The following CNTNAP5 variants were observed in gnomAD, a reference collection of about 807,000 sequenced individuals.
CNTNAP5 encodes the protein contactin associated protein family member 5, also known as contactin-associated protein-like 5.
A neutral mutation model predicts 150.2 loss-of-function variants in CNTNAP5; 72 were observed. The ratio of observed to expected loss-of-function variants is 0.48; its 90% CI spans 0.40 to 0.58. The LOEUF (loss-of-function observed/expected upper bound fraction) is 0.58. CNTNAP5 is among the 20% of genes least tolerant of loss of function. The probability of loss-of-function intolerance (pLI) is 0.00; values close to 1 mark genes in which losing one functional copy is unlikely to be tolerated. For missense variants in CNTNAP5, 1,636 were observed against 1,626.2 expected, an observed-to-expected ratio of 1.01 and a Z score of -0.10; for synonymous variants, 672 against 619.8, an observed-to-expected ratio of 1.08 and a Z score of -1.25.
intron 1 of CNTNAP5, 120 bp downstream of exon 1, chr2:124,025,852 A>C (rs1224889685): frequency 1.1e-6 from 1 of 873,032 alleles, no homozygotes; most frequent in Non-Finnish European, 1.9e-6. Context: ...CGGAAAAAAA[A>C]TGCTGATCAG....
chr2:124,153,353 T>C (rs1385792590), intron 1 of CNTNAP5, among the ~76,000 whole-genome samples: 1 of 152,158 alleles, frequency 6.6e-6, no homozygotes, highest in South Asian at 2.1e-4. Context: ...GTTCAGATGC[T>C]GACTAGGCTG....
intron 1 of CNTNAP5, among the ~76,000 whole-genome samples, chr2:124,215,043 A>G (rs1446715312): frequency 2.6e-5 from 4 of 152,194 alleles, no homozygotes; most frequent in Non-Finnish European, 5.9e-5. Context: ...TTATTTTCTA[A>G]GTGAAATTAT....
chr2:124,575,675 T>C (rs1409508196), intron 11 of CNTNAP5, among the ~76,000 whole-genome samples: 1 of 152,186 alleles, frequency 6.6e-6, no homozygotes. Context: ...CTGCAATAAT[T>C]GACTTTTGAT....
chr2:124,732,286 G>A (rs956423247), intron 13 of CNTNAP5, among the ~76,000 whole-genome samples: 5 of 152,032 alleles, frequency 3.3e-5, no homozygotes, highest in Non-Finnish European at 7.4e-5. Flanking sequence ...CAGCAACCAG[G>A]TTCTCTTAGA....
chr2:124,524,330 A>G lies in CNTNAP5; in HGVS notation c.1355A>G (p.His452Arg), dbSNP rs1694916133. ...TGSNLNDGLWHSVSINARRNR... is the reference protein window; with the variant it reads ...TGSNLNDGLWRSVSINARRNR... ...AGCAACTTGAATGATGGCCTGTGGCACTCGGTTAGCATCAACGCCAGGAGG... is the reference window on the plus strand; with the variant it reads ...AGCAACTTGAATGATGGCCTGTGGCGCTCGGTTAGCATCAACGCCAGGAGG... Residue 452 changes from histidine to arginine, a missense_variant, in exon 9 of 24, where the codon CAC (histidine) becomes CGC (arginine). His to Arg is a conservative substitution (Grantham distance 29). Transcript: ENST00000682447. 6.2e-7 allele frequency: 1 copy of G among 1,613,612 alleles called. No individual in the cohort carries two copies. Among genetic ancestry groups the G allele is most frequent in the Admixed American group, 1.7e-5 (1 of 59,974 alleles).
Position 124,535,581 on chromosome 2 carries a change from G to T in CNTNAP5, c.1649+8125G>T, listed in dbSNP as rs527479433. On this transcript the variant is annotated intron_variant, in intron 10 of 23. Transcript: ENST00000682447. The stretch of plus-strand genomic sequence containing the variant: ...CATCGAGACCATCCTGGCCAACATG[G>T]TGAAACCCCGTCTCTACTGAAATAC... Among the ~76,000 whole-genome samples the T allele has an allele frequency of 3.4e-5, 5 of 146,378 alleles. No homozygotes were observed. The East Asian group carries it at 1.0e-3, about 29-fold the overall frequency.
chr2:124,716,626 C>T (rs1330238048), intron 13 of CNTNAP5, among the ~76,000 whole-genome samples: 1 of 152,076 alleles, frequency 6.6e-6, no homozygotes, highest in African/African-American at 2.4e-5. Flanking sequence ...TATACTCCTT[C>T]CATACTTAAC....
chr2:124,623,330 A>G (rs1166411824), intron 12 of CNTNAP5, among the ~76,000 whole-genome samples: 2 of 152,316 alleles, frequency 1.3e-5, no homozygotes, highest in Admixed American at 1.3e-4. Flanking sequence ...ATGTCTCCCC[A>G]TCCCTTCCAC....
intron 1 of CNTNAP5, among the ~76,000 whole-genome samples, chr2:124,159,098 A>G (rs1684613898): frequency 6.6e-6 from 1 of 152,228 alleles, no homozygotes; most frequent in Non-Finnish European, 1.5e-5. Flanking sequence ...TTAACAGAAC[A>G]ATTGCCTTTA....
chr2:124,845,343 G>A (rs2104697235), intron 19 of CNTNAP5, among the ~76,000 whole-genome samples: 1 of 151,876 alleles, frequency 6.6e-6, no homozygotes, highest in East Asian at 1.9e-4. Flanking sequence ...CTTGATCATG[G>A]TGGATTATCT....
intron 19 of CNTNAP5, among the ~76,000 whole-genome samples, chr2:124,822,947 G>A (rs1055448301): frequency 5.3e-5 from 8 of 152,182 alleles, no homozygotes; most frequent in Non-Finnish European, 8.8e-5. Context: ...CTACCAATGT[G>A]TGACCATCAT....
At chr2:124,721,436 C>CA (rs1680045419) in intron 13 of CNTNAP5, among the ~76,000 whole-genome samples, 1 of 151,626 alleles carries the variant, frequency 6.6e-6, no homozygotes, top group African/African-American at 2.4e-5. Flanking sequence ...GAGCCAAGAT[C>CA]ATGCCACTGC....
At chr2:124,746,103 G>A (rs1464930560) in intron 13 of CNTNAP5, among the ~76,000 whole-genome samples, 2 of 152,076 alleles carry the variant, frequency 1.3e-5, no homozygotes, top group Non-Finnish European at 2.9e-5. Flanking sequence ...ATATAAAGTG[G>A]CCCTTAATAA....
intron 19 of CNTNAP5, among the ~76,000 whole-genome samples, chr2:124,831,087 T>C (rs1162580739): frequency 6.6e-6 from 1 of 152,052 alleles, no homozygotes; most frequent in Non-Finnish European, 1.5e-5. Context: ...TATTTTAATA[T>C]CAAAGCTCAA....
At chr2:124,722,940 G>A (rs1313546372) in intron 13 of CNTNAP5, among the ~76,000 whole-genome samples, 3 of 152,154 alleles carry the variant, frequency 2.0e-5, no homozygotes, top group African/African-American at 4.8e-5. Flanking sequence ...AAGGATGGCA[G>A]TGTGTCTCCC....
chr2:124,299,629 A>T lies in CNTNAP5; in HGVS notation c.381+57236A>T, dbSNP rs989080084. Among the ~76,000 whole-genome samples, 209 of 81,430 alleles carry T rather than the reference A, an allele frequency of 2.6e-3. 1 individual carries two copies. Among genetic ancestry groups the T allele is most frequent in the Admixed American group, 7.2e-3 (52 of 7,200 alleles). 53.4% of individuals were successfully genotyped at this position (81,430 alleles called of 152,430 possible). On this transcript the variant is annotated intron_variant, in intron 3 of 23. Coordinates refer to ENST00000682447, the MANE Select transcript of CNTNAP5 (RefSeq NM_001367498.1). ...TCGATTCCATGTCTTTGCTGTTGTG[A>T]ATAGTGCTGCAATGAACATGTGCGT... is the stretch of plus-strand genomic sequence containing the variant.
chr2:124,139,931 C>T lies in CNTNAP5; in HGVS notation c.83-81774C>T, dbSNP rs566781260. On this transcript the variant is annotated intron_variant, in intron 1 of 23. Transcript: ENST00000682447. Reference sequence around the variant, plus strand: ...CAGTGGGCGCAGGCCAGTGTGTGCGCGCACCGTGCACGAGCCGAAGCAGGG... The same window carrying T: ...CAGTGGGCGCAGGCCAGTGTGTGCGTGCACCGTGCACGAGCCGAAGCAGGG... 9.9e-5 allele frequency among the ~76,000 whole-genome samples: 15 copies of T among 152,178 alleles called. No homozygotes were observed. In the East Asian group the frequency reaches 2.3e-3, roughly 24 times the overall value.
rs564667442 is a variant in CNTNAP5, at chr2:124,116,648, A to G, written c.82+90916A>G. Among the ~76,000 whole-genome samples, 123 of 152,334 alleles carry G rather than the reference A, an allele frequency of 8.1e-4. 1 individual carries two copies. The highest frequency in any genetic ancestry group is 1.6e-3 in the Admixed American group (24 of 15,296). Reference sequence around the variant, plus strand: ...AACTCTTCCATTTTTACATAAATTTAAATGTGTAGCACAGATCTCCTAGAA... The same window carrying G: ...AACTCTTCCATTTTTACATAAATTTGAATGTGTAGCACAGATCTCCTAGAA... On this transcript the variant is annotated intron_variant, in intron 1 of 23. Transcript: ENST00000682447.
intron 12 of CNTNAP5, among the ~76,000 whole-genome samples, chr2:124,629,845 T>G (rs1475028081): frequency 7.8e-6 from 1 of 127,708 alleles, no homozygotes; most frequent in African/African-American, 2.9e-5. Flanking sequence ...GAGAGAAGAT[T>G]CAAATAAACA....
Sources: allele counts gnomAD v4.1 joint callset (sites outside exome capture counted in the v4.1 genomes callset), GRCh38; gene constraint gnomAD v4.1.1; transcripts MANE v1.5; gene names NCBI Gene and HGNC (gene_info 2026-07-23, HGNC 2026-07-21).